Variants in NOL10 observed in about 807,000 individuals in gnomAD.
NOL10 encodes the protein H_NH0074G24.1.
NOL10 carries 58 observed loss-of-function variants against 103.5 expected under a neutral mutation model. That is an observed-to-expected ratio of 0.56 (90% CI 0.45 to 0.70). The LOEUF (loss-of-function observed/expected upper bound fraction) is 0.70, where lower values mean the gene tolerates loss of function less well. Among genes scored for constraint, NOL10 ranks in the 30% least tolerant of loss-of-function variants. The pLI is 0.00. For synonymous variants in NOL10, 287 were observed against 282.5 expected (o/e 1.02, Z -0.16); for missense variants, 763 against 807.3 (o/e 0.95, Z 0.67).
At position 10,615,643 on chromosome 2, in the gene NOL10, A is replaced by T. The variant is rs529755533; in HGVS notation, c.1027-8332T>A. Among the ~76,000 whole-genome samples, 9 of 152,354 alleles carry T rather than the reference A, an allele frequency of 5.9e-5. No individual in the cohort carries two copies. In the East Asian group the frequency reaches 1.5e-3, roughly 26 times the overall value. ...TAAGGACAAAAAGAACTGAAGAAGA[A>T]GATGCAGTAATTTAAGAAACTTAAC... On this transcript the variant is annotated intron_variant, in intron 13 of 20. Transcript: ENST00000381685.
chr2:10,651,985 TA>T lies in NOL10; in HGVS notation c.973+2495del, dbSNP rs373808016. On this transcript the variant is annotated intron_variant, in intron 12 of 20. Transcript: ENST00000381685. ...AGCTGGGCGCAGTGGCTCACGCCTG[TA>T]ATCCCAGCACTTAGGGAGGCTGAGG... 2.1e-3 allele frequency among the ~76,000 whole-genome samples: 321 copies of T among 152,264 alleles called. 2 individuals carry two copies. Among genetic ancestry groups the T allele is most frequent in the African/African-American group, 7.5e-3 (310 of 41,544 alleles).
intron 11 of NOL10, among the ~76,000 whole-genome samples, chr2:10,656,583 A>C (rs973476724): frequency 2.0e-5 from 3 of 152,238 alleles, no homozygotes; most frequent in African/African-American, 7.2e-5. Context: ...AATGAAATTT[A>C]AAAAACCAAA....
chr2:10,659,676 G>C (rs751209196), intron 9 of NOL10, among the ~76,000 whole-genome samples: 2 of 152,134 alleles, frequency 1.3e-5, no homozygotes, highest in Non-Finnish European at 2.9e-5. Context: ...TGGGACAACA[G>C]AGCAAGACCC....
chr2:10,683,968 A>G (rs1681963813), intron 2 of NOL10, among the ~76,000 whole-genome samples: 1 of 152,014 alleles, frequency 6.6e-6, no homozygotes, highest in African/African-American at 2.4e-5. Context: ...ACCAACCACA[A>G]CAAAAAGTTT....
chr2:10,617,005 T>TA (rs60847919), intron 13 of NOL10, among the ~76,000 whole-genome samples: 88,812 of 150,204 alleles, frequency 0.59, 27,369 homozygotes, highest in African/African-American at 0.74. Flanking sequence ...AGATACTCAG[T>TA]GACAAAACAC....
intron 20 of NOL10, among the ~76,000 whole-genome samples, chr2:10,576,343 G>C (rs933136824): frequency 3.3e-5 from 5 of 152,122 alleles, no homozygotes; most frequent in African/African-American, 1.2e-4. Context: ...AGCTACACTA[G>C]CAATTCTGCT....
At chr2:10,638,840 T>C (rs571304597) in intron 13 of NOL10, among the ~76,000 whole-genome samples, 2 of 127,506 alleles carry the variant, frequency 1.6e-5, no homozygotes, top group African/African-American at 6.3e-5. Flanking sequence ...TCTTGCTCCG[T>C]TGCCCAGGCT....
At chr2:10,584,409 GAC>G (rs1213489431) in intron 19 of NOL10, among the ~76,000 whole-genome samples, 3 of 152,190 alleles carry the variant, frequency 2.0e-5, no homozygotes, top group Non-Finnish European at 4.4e-5. Flanking sequence ...TGTGTCAACA[GAC>G]ACACGTGTTT....
intron 18 of NOL10, 107 bp from the exon 19 acceptor site, chr2:10,589,397 C>G (rs1452584086): frequency 2.8e-6 from 4 of 1,427,310 alleles, no homozygotes; most frequent in Non-Finnish European, 3.8e-6. Context: ...AACAGCTGCT[C>G]TACTGCATGC....
chr2:10,688,209 G>A (rs1041752277), intron 1 of NOL10, among the ~76,000 whole-genome samples: 2 of 152,082 alleles, frequency 1.3e-5, no homozygotes, highest in African/African-American at 4.8e-5. Flanking sequence ...CACCGAAGTC[G>A]CTCACCTGGA....
At chr2:10,601,805 T>C (rs1259563924) in intron 16 of NOL10, among the ~76,000 whole-genome samples, 1 of 152,204 alleles carries the variant, frequency 6.6e-6, no homozygotes, top group Non-Finnish European at 1.5e-5. Context: ...AGCAAGATCC[T>C]GTCTCAAAAA....
chr2:10,670,823 C>T (rs1277554856), intron 6 of NOL10, among the ~76,000 whole-genome samples: 1 of 152,134 alleles, frequency 6.6e-6, no homozygotes, highest in Non-Finnish European at 1.5e-5. Flanking sequence ...AAAGTTATGA[C>T]ATCTGTCCTA....
intron 17 of NOL10, 26 bp downstream of exon 17, chr2:10,600,827 A>T: frequency 7.0e-7 from 1 of 1,421,138 alleles, no homozygotes; most frequent in Non-Finnish European, 9.7e-7. Flanking sequence ...ACGCAGAAAC[A>T]ATTTGCCGAT....
At chr2:10,578,031 A>C (rs1014955318) in intron 19 of NOL10, among the ~76,000 whole-genome samples, 1 of 152,204 alleles carries the variant, frequency 6.6e-6, no homozygotes, top group African/African-American at 2.4e-5. Flanking sequence ...AAAATCAATC[A>C]TATTTCTGAA....
At chr2:10,688,723 T>C (rs57125237) in intron 1 of NOL10, among the ~76,000 whole-genome samples, 2,392 of 152,344 alleles carry the variant, frequency 0.016, 70 homozygotes, top group African/African-American at 0.051. Flanking sequence ...TTATCTGAAA[T>C]GTCCACTATA....
chr2:10,681,394 T>C (rs1383169424), intron 3 of NOL10, among the ~76,000 whole-genome samples: 8 of 152,174 alleles, frequency 5.3e-5, no homozygotes, highest in Admixed American at 2.6e-4. Flanking sequence ...ATGACTACAT[T>C]TATATTAAGT....
chr2:10,685,308 C>T (rs1407943362), intron 1 of NOL10, among the ~76,000 whole-genome samples: 4 of 151,972 alleles, frequency 2.6e-5, no homozygotes, highest in East Asian at 1.9e-4. Context: ...GCCTGGCCAA[C>T]ATGGTGAAAC....
intron 5 of NOL10, among the ~76,000 whole-genome samples, chr2:10,671,995 C>A (rs1680978347): frequency 6.6e-6 from 1 of 152,140 alleles, no homozygotes; most frequent in Admixed American, 6.5e-5. Flanking sequence ...TCTCATGGTA[C>A]CCTCAATGAT....
rs557528416 is a variant in NOL10, at chr2:10,588,507, T to C, written c.1844+536A>G. Among the ~76,000 whole-genome samples the C allele has an allele frequency of 3.3e-5, 5 of 152,358 alleles. No homozygotes were observed. The South Asian group carries it at 8.3e-4, about 25-fold the overall frequency. On this transcript the variant is annotated intron_variant, in intron 19 of 20. Transcript: ENST00000381685. The stretch of plus-strand genomic sequence containing the variant: ...CTGGCAAATTTTCCAAGTAACCTTT[T>C]CAATAACCAGGTAAAGTGAGATGGG...
Sources: gnomAD v4.1 joint callset for allele counts (sites outside exome capture counted in the v4.1 genomes callset) on GRCh38, gnomAD v4.1.1 for gene constraint, MANE v1.5 for transcripts, NCBI Gene and HGNC (gene_info 2026-07-23, HGNC 2026-07-21) for gene names.